The following USP43 variants were observed in gnomAD, a reference collection of about 807,000 sequenced individuals.
USP43 encodes ubiquitin specific peptidase 43.
USP43 carries 33 observed loss-of-function variants against 90.7 expected under a neutral mutation model. The ratio of observed to expected loss-of-function variants is 0.36; its 90% CI spans 0.28 to 0.49. The LOEUF is 0.49. Among genes scored for constraint, USP43 ranks in the 20% least tolerant of loss-of-function variants. The pLI is 0.98. For missense variants in USP43, 1,274 were observed against 1,476.4 expected (o/e 0.86, Z 2.25); for synonymous variants, 598 against 615.8 (o/e 0.97, Z 0.43).
intron 14 of USP43, among the ~76,000 whole-genome samples, chr17:9,725,831 A>C (rs1484202264): frequency 6.6e-6 from 1 of 152,170 alleles, no homozygotes; most frequent in Non-Finnish European, 1.5e-5. Context: ...AAAGGCTAAA[A>C]GTCACAGCTT....
intron 3 of USP43, among the ~76,000 whole-genome samples, chr17:9,673,495 C>T (rs375117006): frequency 8.6e-5 from 13 of 151,976 alleles, no homozygotes; most frequent in African/African-American, 2.4e-4. Context: ...GGTGACAGTG[C>T]GAGACTCCGT....
intron 6 of USP43, among the ~76,000 whole-genome samples, chr17:9,681,891 G>C (rs1020884612): frequency 6.6e-6 from 1 of 152,178 alleles, no homozygotes; most frequent in African/African-American, 2.4e-5. Flanking sequence ...TAGGTAGCAG[G>C]CTATGGGAAC....
chr17:9,710,028 A>G lies in USP43; in HGVS notation c.2084A>G (p.Asp695Gly). ...DDSTVEPLRE[D>G]EVNTRGAYIL... ...AGCACGGTGGAACCGCTTCGAGAAG[A>G]TGAGGTCAACACCAGAGGGGCTTAT... The change falls in exon 13 of 15, where the codon GAT (aspartate) becomes GGT (glycine). Residue 695 changes from aspartate to glycine, a missense_variant. This residue lies in a region of USP43 where 285 missense variants were observed against 349.6 expected (regional missense o/e 0.82). Coordinates refer to ENST00000285199, the MANE Select transcript of USP43 (RefSeq NM_153210.5). The G allele has an allele frequency of 6.4e-7, 1 of 1,574,396 alleles. No homozygotes were observed. The highest frequency in any genetic ancestry group is 8.6e-7 in the Non-Finnish European group (1 of 1,160,050).
chr17:9,718,873 C>T (rs1916766318), intron 14 of USP43, among the ~76,000 whole-genome samples: 1 of 151,702 alleles, frequency 6.6e-6, no homozygotes, highest in South Asian at 2.1e-4. Context: ...GAATCCGTTT[C>T]TATGCAGGCA....
intron 8 of USP43, among the ~76,000 whole-genome samples, chr17:9,688,555 T>G (rs1170181080): frequency 1.3e-5 from 2 of 151,944 alleles, no homozygotes; most frequent in Non-Finnish European, 2.9e-5. Context: ...TTCACCATGT[T>G]GGCCAGGATG....
At chr17:9,681,465 TATATATATATATATATATA>T (rs1567661206) in intron 6 of USP43, among the ~76,000 whole-genome samples, 3,072 of 73,012 alleles carry the variant, frequency 0.042, 292 homozygotes, top group African/African-American at 0.095. Flanking sequence ...AAATATATTA[TATATATATATATATATATA>T]TATATATATA....
At chr17:9,668,713 A>C (rs538361291) in intron 3 of USP43, among the ~76,000 whole-genome samples, 1 of 152,322 alleles carries the variant, frequency 6.6e-6, no homozygotes, top group South Asian at 2.1e-4. Context: ...GCCTGAAGAA[A>C]GCCTTGCTCA....
At chr17:9,658,401 A>G (rs1912410688) in intron 2 of USP43, among the ~76,000 whole-genome samples, 1 of 152,298 alleles carries the variant, frequency 6.6e-6, no homozygotes, top group Non-Finnish European at 1.5e-5. Flanking sequence ...TATATGGTCC[A>G]TGTATCAGAG....
intron 9 of USP43, among the ~76,000 whole-genome samples, chr17:9,698,784 C>T (rs1028683200): frequency 9.9e-5 from 15 of 152,172 alleles, no homozygotes; most frequent in African/African-American, 3.6e-4. Flanking sequence ...GAAAAGTAGA[C>T]TGTGGATTGA....
intron 12 of USP43, among the ~76,000 whole-genome samples, chr17:9,706,735 C>G (rs1205477725): frequency 1.3e-5 from 2 of 148,636 alleles, no homozygotes; most frequent in African/African-American, 5.0e-5. Flanking sequence ...CCTCTGCCTC[C>G]CGGGTTCTAG....
intron 4 of USP43, 115 bp from the exon 5 acceptor site, chr17:9,676,631 C>T: frequency 7.5e-7 from 1 of 1,339,174 alleles, no homozygotes; most frequent in South Asian, 1.7e-5. Flanking sequence ...TTCAGCCTCC[C>T]AAAATGCTAG....
chr17:9,661,975 G>T (rs1246313918), intron 2 of USP43, among the ~76,000 whole-genome samples: 1 of 152,146 alleles, frequency 6.6e-6, no homozygotes, highest in African/African-American at 2.4e-5. Context: ...CTCAATGACA[G>T]GGAAAGCTGA....
At chr17:9,699,169 C>T (rs2151986929) in intron 9 of USP43, among the ~76,000 whole-genome samples, 1 of 152,306 alleles carries the variant, frequency 6.6e-6, no homozygotes, top group East Asian at 1.9e-4. Context: ...ACGTAGAGCC[C>T]ACCTTCTTCT....
chr17:9,706,936 C>T (rs1915918703), intron 12 of USP43, among the ~76,000 whole-genome samples: 3 of 152,078 alleles, frequency 2.0e-5, no homozygotes, highest in Admixed American at 2.0e-4. Context: ...AGTCTCCGTG[C>T]CCAGCCTGGG....
intron 2 of USP43, among the ~76,000 whole-genome samples, chr17:9,661,400 A>G (rs1912629824): frequency 6.6e-6 from 1 of 152,132 alleles, no homozygotes; most frequent in Non-Finnish European, 1.5e-5. Context: ...TCTGTTGCCC[A>G]GGCTGGAGTG....
intron 14 of USP43, among the ~76,000 whole-genome samples, chr17:9,721,555 T>A (rs1447783643): frequency 1.3e-5 from 2 of 152,192 alleles, no homozygotes; most frequent in African/African-American, 2.4e-5. Flanking sequence ...GCTCTGTGCA[T>A]GTATAAACTA....
intron 2 of USP43, among the ~76,000 whole-genome samples, chr17:9,657,153 G>T (rs1381840038): frequency 6.6e-6 from 1 of 152,160 alleles, no homozygotes; most frequent in Non-Finnish European, 1.5e-5. Context: ...ACTTAAGAAA[G>T]TGAAAGTGAA....
chr17:9,684,516 C>G (rs1914482653), intron 7 of USP43, among the ~76,000 whole-genome samples: 1 of 152,100 alleles, frequency 6.6e-6, no homozygotes, highest in Non-Finnish European at 1.5e-5. Flanking sequence ...GTAATCCCAG[C>G]ACTTTGAGAG....
At chr17:9,681,133 A>G (rs1413060793) in intron 6 of USP43, among the ~76,000 whole-genome samples, 1 of 106,928 alleles carries the variant, frequency 9.4e-6, no homozygotes, top group African/African-American at 5.1e-5. Context: ...AATATATACT[A>G]TATAATATAT....
Sources: allele counts gnomAD v4.1 joint callset (sites outside exome capture counted in the v4.1 genomes callset), GRCh38; gene constraint gnomAD v4.1.1; regional missense constraint gnomAD v4.1.1; transcripts MANE v1.5; gene names NCBI Gene and HGNC (gene_info 2026-07-23, HGNC 2026-07-21).